The following GPATCH8 variants were observed in gnomAD, a reference collection of about 807,000 sequenced individuals.
GPATCH8 encodes G patch domain-containing protein 8.
GPATCH8 carries 18 observed loss-of-function variants against 118.3 expected under a neutral mutation model. The ratio of observed to expected loss-of-function variants is 0.15; its 90% CI spans 0.11 to 0.23. The LOEUF (loss-of-function observed/expected upper bound fraction) is 0.23, where lower values mean the gene tolerates loss of function less well. Ranked by LOEUF, GPATCH8 falls within the 10% of genes least tolerant of loss-of-function variation. GPATCH8 has a pLI of 1.00. For missense variants in GPATCH8, 1,631 were observed against 1,873.8 expected, an observed-to-expected ratio of 0.87 and a Z score of 2.39; for synonymous variants, 659 against 684.7, an observed-to-expected ratio of 0.96 and a Z score of 0.59.
intron 2 of GPATCH8, among the ~76,000 whole-genome samples, chr17:44,466,531 G>A (rs1250608489): frequency 6.6e-6 from 1 of 152,108 alleles, no homozygotes; most frequent in Non-Finnish European, 1.5e-5. Context: ...GGCTGCTGGG[G>A]CTTCTTCCCT....
At chr17:44,450,590 T>C (rs2051077631) in intron 3 of GPATCH8, among the ~76,000 whole-genome samples, 1 of 152,246 alleles carries the variant, frequency 6.6e-6, no homozygotes, top group Non-Finnish European at 1.5e-5. Context: ...TTTGAAATAC[T>C]ACATAAAAAT....
intron 6 of GPATCH8, among the ~76,000 whole-genome samples, chr17:44,407,713 G>A (rs906252500): frequency 1.3e-5 from 2 of 150,262 alleles, no homozygotes; most frequent in East Asian, 3.9e-4. Context: ...CTGGAGTGCA[G>A]TGGCACAATC....
At chr17:44,424,549 G>T in intron 5 of GPATCH8, 57 bp from the exon 6 acceptor site, 2 of 1,245,146 alleles carry the variant, frequency 1.6e-6, no homozygotes, top group Non-Finnish European at 1.2e-6. Context: ...AACTTTAAGT[G>T]AATGTTATAG....
chr17:44,450,081 G>A lies in GPATCH8; in HGVS notation c.194-13536C>T, dbSNP rs1264749090. The stretch of plus-strand genomic sequence containing the variant: ...ACACCCCCAAATCTTGTAAAAATAT[G>A]GCTATATGGAGGGTATAGCAAGGTC... On this transcript the variant is annotated intron_variant, in intron 3 of 7. Coordinates refer to ENST00000591680, the MANE Select transcript of GPATCH8 (RefSeq NM_001002909.4). Among the ~76,000 whole-genome samples the A allele has an allele frequency of 2.0e-5, 3 of 152,236 alleles. No individual in the cohort carries two copies. The East Asian group carries it at 5.8e-4, about 29-fold the overall frequency.
At chr17:44,402,639 T>C (rs2049070655) in intron 7 of GPATCH8, among the ~76,000 whole-genome samples, 1 of 152,096 alleles carries the variant, frequency 6.6e-6, no homozygotes, top group Admixed American at 6.6e-5. Flanking sequence ...AAAATAAAAA[T>C]TTCCCCATGC....
chr17:44,422,657 A>AT (rs2049952257), intron 6 of GPATCH8, among the ~76,000 whole-genome samples: 1 of 151,512 alleles, frequency 6.6e-6, no homozygotes, highest in Admixed American at 6.6e-5. Context: ...GGCCCGGCTA[A>AT]TTTTTTGTAT....
intron 7 of GPATCH8, among the ~76,000 whole-genome samples, chr17:44,403,324 C>T (rs903873990): frequency 1.3e-5 from 2 of 152,120 alleles, no homozygotes; most frequent in South Asian, 2.1e-4. Flanking sequence ...CCACCTGCCT[C>T]GGCCTCCCAA....
intron 7 of GPATCH8, among the ~76,000 whole-genome samples, chr17:44,403,959 G>T (rs1267683031): frequency 6.6e-6 from 1 of 152,172 alleles, no homozygotes; most frequent in Non-Finnish European, 1.5e-5. Context: ...CTCCCAAAGT[G>T]CTGGGATTAC....
chr17:44,501,159 C>A (rs1414308412), intron 1 of GPATCH8, among the ~76,000 whole-genome samples: 2 of 152,172 alleles, frequency 1.3e-5, no homozygotes, highest in Non-Finnish European at 2.9e-5. Context: ...ATGGCTCACA[C>A]CTGTAATCCT....
intron 1 of GPATCH8, among the ~76,000 whole-genome samples, chr17:44,502,359 G>GT (rs10532706): frequency 0.011 from 1,530 of 144,062 alleles, 7 homozygotes; most frequent in East Asian, 0.024. Context: ...GTAATGCAGT[G>GT]TTTTTTTTTT....
At chr17:44,495,201 G>C (rs1315219746) in intron 1 of GPATCH8, among the ~76,000 whole-genome samples, 1 of 152,144 alleles carries the variant, frequency 6.6e-6, no homozygotes, top group Non-Finnish European at 1.5e-5. Flanking sequence ...AGGCGTGGTA[G>C]TGGGCACCTG....
At position 44,400,700 on chromosome 17, in the gene GPATCH8, A is replaced by C; in HGVS notation, c.1377T>G (p.Ser459Arg). 6.2e-7 allele frequency: 1 copy of C among 1,610,976 alleles called. No homozygotes were observed. The change falls in exon 8 of 8, where the codon AGT (serine) becomes AGG (arginine). Residue 459 changes from serine to arginine, a missense_variant. By Grantham distance (110) the Ser-to-Arg change is moderately radical (BLOSUM62 -1). Around this residue, in one of 8 missense-constraint regions of GPATCH8, gnomAD observed 405 missense variants for 462.7 expected, o/e 0.88. Coordinates refer to ENST00000591680, the MANE Select transcript of GPATCH8 (RefSeq NM_001002909.4). ...TTTCCTTCGGCTGCTCAGAGACTTC[A>C]CTAACTGTCTTTTCTGCTCCTTGGC... ...AASQGAEKTV[S>R]EVSEQPKETS...
chr17:44,461,863 G>T (rs75093997), intron 3 of GPATCH8, among the ~76,000 whole-genome samples: 3 of 41,394 alleles, frequency 7.2e-5, no homozygotes, highest in African/African-American at 1.4e-4. Context: ...ACTAATTTTT[G>T]GGGGGTGGGG....
At chr17:44,424,226 CAGAT>C in intron 6 of GPATCH8, 119 bp downstream of exon 6, 1 of 741,966 alleles carries the variant, frequency 1.3e-6, no homozygotes, top group Admixed American at 2.0e-5. Flanking sequence ...TGGATGACTG[CAGAT>C]AAAGATTGGC....
At chr17:44,409,780 C>T (rs2049365372) in intron 6 of GPATCH8, among the ~76,000 whole-genome samples, 3 of 152,158 alleles carry the variant, frequency 2.0e-5, no homozygotes, top group Admixed American at 6.5e-5. Flanking sequence ...CACAACTGTT[C>T]AATACTCCCT....
chr17:44,469,016 T>C (rs1241946787), intron 2 of GPATCH8, among the ~76,000 whole-genome samples: 1 of 152,214 alleles, frequency 6.6e-6, no homozygotes, highest in South Asian at 2.1e-4. Context: ...CTTCTTCTAA[T>C]TCTGGTTAAA....
At chr17:44,404,123 C>T (rs191544144) in intron 7 of GPATCH8, among the ~76,000 whole-genome samples, 25 of 152,184 alleles carry the variant, frequency 1.6e-4, no homozygotes, top group East Asian at 1.5e-3. Context: ...AACAACGCCC[C>T]GCAAACTGAA....
intron 7 of GPATCH8, among the ~76,000 whole-genome samples, chr17:44,401,681 G>A (rs1263846747): frequency 6.6e-6 from 1 of 152,148 alleles, no homozygotes; most frequent in Non-Finnish European, 1.5e-5. Flanking sequence ...GGGCCAGCCA[G>A]TTATTACATA....
At chr17:44,476,672 C>T (rs1598599180) in intron 1 of GPATCH8, among the ~76,000 whole-genome samples, 1 of 152,162 alleles carries the variant, frequency 6.6e-6, no homozygotes, top group African/African-American at 2.4e-5. Context: ...TGATACCTCC[C>T]GGCTTTTCAA....
Sources: gnomAD v4.1 joint callset for allele counts (sites outside exome capture counted in the v4.1 genomes callset) on GRCh38, gnomAD v4.1.1 for gene constraint, gnomAD v4.1.1 regional missense constraint, MANE v1.5 for transcripts, NCBI Gene and HGNC (gene_info 2026-07-23, HGNC 2026-07-21) for gene names.